Variants in ZNF729 observed in about 807,000 individuals in gnomAD.
ZNF729 encodes the protein zinc finger protein 729.
ZNF729 carries 15 observed loss-of-function variants against 12.2 expected under a neutral mutation model. The observed-to-expected ratio is 1.23, with a 90% confidence interval of 0.82 to 1.89. The LOEUF is 1.89. ZNF729 is among the 40% of genes most tolerant of loss of function. The probability of loss-of-function intolerance (pLI) is 0.00; values close to 1 mark genes in which losing one functional copy is unlikely to be tolerated. For missense variants in ZNF729, 1,540 were observed against 1,456.7 expected (o/e 1.06, Z -0.93); for synonymous variants, 492 against 476.3 (o/e 1.03, Z -0.43).
At chr19:22,296,536 CTTAT>C (rs766088823) in intron 1 of ZNF729, among the ~76,000 whole-genome samples, 4 of 151,794 alleles carry the variant, frequency 2.6e-5, no homozygotes, top group East Asian at 1.9e-4. Context: ...AGCTATTTAC[CTTAT>C]TTATTTATTT....
In ZNF729 at chr19:22,316,808, C is replaced by T. The variant is rs755507258; in HGVS notation, c.3391C>T (p.Pro1131Ser). 3 of 1,613,236 alleles carry T rather than the reference C, an allele frequency of 1.9e-6. No homozygotes were observed. Among genetic ancestry groups the T allele is most frequent in the Middle Eastern group, 1.7e-4 (1 of 6,058 alleles). Residue 1131 changes from proline to serine, a missense_variant, in exon 4 of 4, where the codon CCC becomes TCC. Physicochemically the swap from Pro to Ser is moderately conservative, Grantham distance 74. Transcript: ENST00000601693. ...KHKIIHTGEK[P>S]YKCEECGKAF... ...TAAGATAATTCATACTGGGGAGAAA[C>T]CCTACAAATGTGAAGAATGTGGCAA...
Position 22,316,781 on chromosome 19 carries a change from CATAAG to C in ZNF729, c.3369_3373del (p.Lys1123AsnfsTer11), listed in dbSNP as rs761456168. On this transcript the variant is annotated frameshift_variant, in exon 4 of 4. Coordinates refer to ENST00000601693, the MANE Select transcript of ZNF729 (RefSeq NM_001242680.2). LOFTEE classifies it low-confidence loss of function (END_TRUNC). ...TAACAATTCCTCAACCCTTACGAAA[CATAAG>C]ATAATTCATACTGGGGAGAAACCCT... The C allele has an allele frequency of 2.5e-6, 4 of 1,613,210 alleles. No homozygotes were observed. Among genetic ancestry groups the C allele is most frequent in the Non-Finnish European group, 3.4e-6 (4 of 1,179,896 alleles).
intron 3 of ZNF729, among the ~76,000 whole-genome samples, chr19:22,305,815 T>G (rs559180007): frequency 6.6e-6 from 1 of 152,260 alleles, no homozygotes; most frequent in African/African-American, 2.4e-5. Flanking sequence ...ATTAATTAAT[T>G]AATGAAATAG....
chr19:22,294,223 G>T (rs1236559946), intron 1 of ZNF729, among the ~76,000 whole-genome samples: 1 of 152,170 alleles, frequency 6.6e-6, no homozygotes, highest in African/African-American at 2.4e-5. Context: ...TATTAAATAG[G>T]GAATTCTTCC....
chr19:22,310,480 C>T (rs1968437890), intron 3 of ZNF729, among the ~76,000 whole-genome samples: 1 of 151,858 alleles, frequency 6.6e-6, no homozygotes, highest in Non-Finnish European at 1.5e-5. Context: ...TGTTTTTATT[C>T]CTTTCTATGT....
chr19:22,298,854 T>C (rs1968266535), intron 1 of ZNF729: 1 of 152,200 alleles, frequency 6.6e-6, no homozygotes, highest in Non-Finnish European at 1.5e-5. Context: ...GGAATGCTGC[T>C]ATTACAGGAG....
At chr19:22,287,135 G>A (rs1478278813) in intron 1 of ZNF729, among the ~76,000 whole-genome samples, 1 of 151,794 alleles carries the variant, frequency 6.6e-6, no homozygotes, top group Non-Finnish European at 1.5e-5. Flanking sequence ...TAGTTTCTCA[G>A]TTTGTACAAT....
At chr19:22,290,913 T>C (rs990179686) in intron 1 of ZNF729, among the ~76,000 whole-genome samples, 12 of 152,018 alleles carry the variant, frequency 7.9e-5, no homozygotes, top group African/African-American at 2.9e-4. Flanking sequence ...TAGGTTGTTT[T>C]CCTGAGTTCT....
At chr19:22,310,259 A>C (rs1968435414) in intron 3 of ZNF729, among the ~76,000 whole-genome samples, 1 of 151,852 alleles carries the variant, frequency 6.6e-6, no homozygotes. Flanking sequence ...GCATGGCGAG[A>C]GTGGGCATCC....
chr19:22,289,580 T>C (rs1968127043), intron 1 of ZNF729, among the ~76,000 whole-genome samples: 1 of 152,158 alleles, frequency 6.6e-6, no homozygotes, highest in South Asian at 2.1e-4. Flanking sequence ...TCTGGTTTGT[T>C]TTTTATGGCT....
chr19:22,286,613 G>T, intron 1 of ZNF729, 58 bp downstream of exon 1: 2 of 1,610,252 alleles, frequency 1.2e-6, no homozygotes, highest in South Asian at 2.2e-5. Context: ...GAACCGGTGG[G>T]AAGTGGCTGT....
intron 3 of ZNF729, among the ~76,000 whole-genome samples, chr19:22,309,157 G>C (rs757540093): frequency 6.6e-6 from 1 of 152,134 alleles, no homozygotes; most frequent in African/African-American, 2.4e-5. Flanking sequence ...GTTGAAAAGA[G>C]TATCCCTGGC....
In ZNF729 at chr19:22,316,711, T is replaced by C. The variant is rs563305853; in HGVS notation, c.3294T>C (p.His1098=). ...CCCTTAGAAAACATAAGGTAATTCA[T>C]ACTGGAAAGAAACCCTACCAATGTG... ...FSALRKHKVI[H]TGKKPYQCDE... Residue 1098 remains histidine, a synonymous_variant, in exon 4 of 4, where the codon CAT becomes CAC. Transcript: ENST00000601693. 1.3e-4 allele frequency: 203 copies of C among 1,612,838 alleles called. No individual in the cohort carries two copies. In the African/African-American group the frequency reaches 2.3e-3, roughly 18 times the overall value.
intron 1 of ZNF729, among the ~76,000 whole-genome samples, chr19:22,294,012 T>G (rs1375543153): frequency 1.3e-5 from 2 of 152,128 alleles, no homozygotes; most frequent in Non-Finnish European, 2.9e-5. Flanking sequence ...TTGCCATTAC[T>G]TTTGGTATTT....
chr19:22,312,438 A>T, intron 3 of ZNF729, among the ~76,000 whole-genome samples: 1 of 86,804 alleles, frequency 1.2e-5, no homozygotes, highest in Admixed American at 1.3e-4. Context: ...TCTTGTCTGA[A>T]ATTGTGTGTG....
At position 22,314,605 on chromosome 19, in the gene ZNF729, A is replaced by G; in HGVS notation, c.1188A>G (p.Val396=). Residue 396 remains valine, a synonymous_variant, in exon 4 of 4, where the codon GTA becomes GTG. Transcript: ENST00000601693. ...KWSSKLTVHK[V]VHTGEKPYKC... is the part of the protein sequence containing the mutation. ...CTTCAAAACTTACTGTACATAAGGT[A>G]GTTCATACTGGAGAGAAACCCTACA... The G allele has an allele frequency of 3.7e-6, 6 of 1,612,076 alleles. No homozygotes were observed. The highest frequency in any genetic ancestry group is 5.1e-6 in the Non-Finnish European group (6 of 1,179,880).
chr19:22,304,818 A>T, intron 3 of ZNF729, 35 bp downstream of exon 3: 11 of 1,602,494 alleles, frequency 6.9e-6, no homozygotes, highest in Non-Finnish European at 9.4e-6. Context: ...CAACACAGAT[A>T]AGAGGTCCAG....
In ZNF729 at chr19:22,313,706, G is replaced by A. The variant is rs780422014; in HGVS notation, c.289G>A (p.Asp97Asn). The change falls in exon 4 of 4, where the codon GAT becomes AAT. Residue 97 changes from aspartate (D) to asparagine (N), a missense_variant. Asp to Asn is a conservative substitution (Grantham distance 23). Coordinates refer to ENST00000601693, the MANE Select transcript of ZNF729 (RefSeq NM_001242680.2). ...TCATTTTACACAAGACCTTTGGCCA[G>A]ATCAGAGCACAAAAGATTCTTTCCA... ...RSHFTQDLWP[D>N]QSTKDSFQEV... 6.5e-7 allele frequency: 1 copy of A among 1,545,418 alleles called. No individual in the cohort carries two copies. Among genetic ancestry groups the A allele is most frequent in the African/African-American group, 1.4e-5 (1 of 72,644 alleles).
chr19:22,313,420 C>T (rs1035309676), intron 3 of ZNF729, among the ~76,000 whole-genome samples: 11 of 152,302 alleles, frequency 7.2e-5, no homozygotes, highest in African/African-American at 2.4e-4. Flanking sequence ...AAACTGTAAC[C>T]GACTTCCCTT....
Sources: allele counts gnomAD v4.1 joint callset (sites outside exome capture counted in the v4.1 genomes callset), GRCh38; gene constraint gnomAD v4.1.1; transcripts MANE v1.5; gene names NCBI Gene and HGNC (gene_info 2026-07-23, HGNC 2026-07-21).